Variants in TOGARAM2 observed in about 807,000 individuals in gnomAD.
TOGARAM2 encodes the protein TOG array regulator of axonemal microtubules 2.
Under a neutral mutation model 93.3 loss-of-function variants are expected in TOGARAM2, and 85 were observed. The observed-to-expected ratio is 0.91, with a 90% CI of 0.76 to 1.09. TOGARAM2 has a LOEUF of 1.09. Among genes scored for constraint, TOGARAM2 ranks in the 50% least tolerant of loss-of-function variants. The pLI, the probability that TOGARAM2 is intolerant of heterozygous loss-of-function variation, is 0.00. For missense variants in TOGARAM2, 1,277 were observed against 1,334.5 expected, an observed-to-expected ratio of 0.96 and a Z score of 0.67; for synonymous variants, 593 against 552.8, an observed-to-expected ratio of 1.07 and a Z score of -1.02.
chr2:29,016,421 C>A (rs115104615), intron 8 of TOGARAM2, among the ~76,000 whole-genome samples: 1,726 of 152,246 alleles, frequency 0.011, 25 homozygotes, highest in African/African-American at 0.04. Flanking sequence ...GAAGTTAGAA[C>A]GTTCTGTGGA....
Position 29,014,473 on chromosome 2 carries a change from C to G in TOGARAM2, c.956C>G (p.Ala319Gly). The change falls in exon 8 of 20, where the codon GCT (alanine) becomes GGT (glycine). Residue 319 changes from alanine (A) to glycine (G), a missense_variant. By Grantham distance (60) the Ala-to-Gly change is moderately conservative. Coordinates refer to ENST00000379558, the MANE Select transcript of TOGARAM2 (RefSeq NM_199280.4). ...CCTGCCCTGCCTTTTTCTCAGTCTG[C>G]TCCCACGCTGACAGCCTTCTCCTTT... ...KKPALPFSQS[A>G]PTLTAFSFDC... The G allele has an allele frequency of 1.3e-6, 2 of 1,599,656 alleles. No individual in the cohort carries two copies. The highest frequency in any genetic ancestry group is 1.1e-5 in the South Asian group (1 of 88,032).
intron 1 of TOGARAM2, among the ~76,000 whole-genome samples, chr2:28,983,196 ATATTTTTTTTTTTTTT>A (rs1672298765): frequency 2.1e-5 from 1 of 48,138 alleles, no homozygotes; most frequent in Admixed American, 2.8e-4. Flanking sequence ...ATATATATAT[ATATTTTTTTTTTTTTT>A]TTTTTTTTTT....
chr2:28,980,592 C>T (rs1278417157), upstream of TOGARAM2, among the ~76,000 whole-genome samples: 1 of 152,166 alleles, frequency 6.6e-6, no homozygotes, highest in East Asian at 1.9e-4. Flanking sequence ...GCTGTCATTC[C>T]AGAGAGAGGA....
At position 29,005,860 on chromosome 2, in the gene TOGARAM2, ATG is replaced by A. The variant is rs765655971; in HGVS notation, c.830+2182_830+2183del. On this transcript the variant is annotated intron_variant, in intron 6 of 19. Coordinates refer to ENST00000379558, the MANE Select transcript of TOGARAM2 (RefSeq NM_199280.4). Reference sequence around the variant, plus strand: ...TATGTGTCAGTGCATGTGTGTGCATATGTGTCAGTGCATGTTGTGAGTGCATG... The same window carrying A: ...TATGTGTCAGTGCATGTGTGTGCATATGTCAGTGCATGTTGTGAGTGCATG... Among the ~76,000 whole-genome samples the A allele has an allele frequency of 1.1e-3, 141 of 133,518 alleles. 1 individual carries two copies. Among genetic ancestry groups the A allele is most frequent in the Non-Finnish European group, 1.8e-3 (112 of 62,582 alleles). The allele number at this position is 133,518 out of a possible 152,430, so 87.6% of individuals were successfully genotyped here. A position where few individuals can be genotyped will look rare whatever the true frequency, so the allele number is the denominator to read the frequency against.
intron 14 of TOGARAM2, among the ~76,000 whole-genome samples, chr2:29,032,410 T>G (rs1416762102): frequency 6.6e-6 from 1 of 152,232 alleles, no homozygotes; most frequent in Non-Finnish European, 1.5e-5. Flanking sequence ...ACCTCTTCTA[T>G]GAAGCCCTCC....
intron 1 of TOGARAM2, among the ~76,000 whole-genome samples, chr2:28,987,023 C>A (rs72786151): frequency 0.08 from 12,207 of 152,258 alleles, 623 homozygotes; most frequent in African/African-American, 0.13. Flanking sequence ...AATACTGCCA[C>A]CTCCGTGAAC....
intron 8 of TOGARAM2, 121 bp downstream of exon 8, chr2:29,014,682 C>T: frequency 7.7e-7 from 1 of 1,296,158 alleles, no homozygotes; most frequent in Non-Finnish European, 1.0e-6. Context: ...CAAGGAGAGC[C>T]CGAGGCAGCC....
chr2:29,017,047 T>G, intron 8 of TOGARAM2, 107 bp from the exon 9 acceptor site: 3 of 1,419,036 alleles, frequency 2.1e-6, no homozygotes, highest in Non-Finnish European at 2.9e-6. Context: ...TCTTTTTTGT[T>G]CACTTCCAGG....
At chr2:28,965,924 A>G (rs1350575240) in intron 1 of TOGARAM2, among the ~76,000 whole-genome samples, 1 of 152,148 alleles carries the variant, frequency 6.6e-6, no homozygotes, top group Non-Finnish European at 1.5e-5. Flanking sequence ...GTGTCTGAAA[A>G]TAATTGTTTC....
At position 29,002,667 on chromosome 2, in the gene TOGARAM2, G is replaced by T; in HGVS notation, c.559G>T (p.Ala187Ser). The change falls in exon 5 of 20, where the codon GCC becomes TCC. Residue 187 changes from alanine to serine, a missense_variant. Physicochemically the swap from Ala to Ser is moderately conservative, Grantham distance 99 (BLOSUM62 1). Coordinates refer to ENST00000379558, the MANE Select transcript of TOGARAM2 (RefSeq NM_199280.4). ...CCAGAGCATCCCTACCACCCCTGAG[G>T]CCAGCGGAGTCAAAGAGAAGGGCCT... is the stretch of plus-strand genomic sequence containing the variant. Reference protein sequence around the residue: ...LIQSIPTTPEASGVKEKGLDL... With the variant: ...LIQSIPTTPESSGVKEKGLDL... 1 of 1,613,974 alleles carries T rather than the reference G, an allele frequency of 6.2e-7. No individual in the cohort carries two copies.
intron 5 of TOGARAM2, 150 bp downstream of exon 5, chr2:29,002,897 C>G (rs1673393401): frequency 1.4e-6 from 1 of 713,600 alleles, no homozygotes; most frequent in Admixed American, 2.7e-5. Context: ...AGGGACAGCA[C>G]TGGGAGAGGC....
At chr2:28,960,841 A>G (rs78396924) in intron 1 of TOGARAM2, among the ~76,000 whole-genome samples, 1,573 of 152,266 alleles carry the variant, frequency 0.01, 18 homozygotes, top group Non-Finnish European at 0.014. Context: ...AGAATTGTTA[A>G]TTTTATGTCA....
At chr2:28,972,856 G>A (rs972102697) in intron 1 of TOGARAM2, among the ~76,000 whole-genome samples, 2 of 152,178 alleles carry the variant, frequency 1.3e-5, no homozygotes, top group African/African-American at 4.8e-5. Flanking sequence ...GAAACATCCT[G>A]GAAAGTTGCT....
intron 6 of TOGARAM2, among the ~76,000 whole-genome samples, chr2:29,005,282 A>G (rs183637710): frequency 0.013 from 1,429 of 112,542 alleles, 27 homozygotes; most frequent in Non-Finnish European, 0.013. Flanking sequence ...GTGTGTGCAT[A>G]TGTGTGTGTG....
chr2:29,051,532 G>T (rs1667066627), intron 19 of TOGARAM2: 1 of 398,814 alleles, frequency 2.5e-6, no homozygotes, highest in Non-Finnish European at 4.4e-6. Flanking sequence ...CTGACTGGTT[G>T]GTATAAGCAC....
At chr2:29,042,793 C>G (rs1305539336) in intron 18 of TOGARAM2, among the ~76,000 whole-genome samples, 1 of 152,240 alleles carries the variant, frequency 6.6e-6, no homozygotes, top group African/African-American at 2.4e-5. Flanking sequence ...TTCACTCTCT[C>G]TCTGGGCACA....
At chr2:28,964,220 T>C (rs1215912924) in intron 1 of TOGARAM2, among the ~76,000 whole-genome samples, 2 of 152,232 alleles carry the variant, frequency 1.3e-5, no homozygotes, top group Non-Finnish European at 2.9e-5. Flanking sequence ...ATGTATGTTA[T>C]GCTTTGTTAT....
intron 17 of TOGARAM2, 52 bp downstream of exon 17, chr2:29,035,708 A>G (rs1220426132): frequency 1.5e-6 from 2 of 1,302,352 alleles, no homozygotes; most frequent in African/African-American, 3.0e-5. Context: ...TGGGGGGTGC[A>G]ACTTGAAGTT....
intron 1 of TOGARAM2, among the ~76,000 whole-genome samples, chr2:28,988,807 C>T (rs938675938): frequency 1.3e-5 from 2 of 152,154 alleles, no homozygotes; most frequent in Non-Finnish European, 1.5e-5. Flanking sequence ...CGCATGCCTC[C>T]ACAGGCACAG....
Sources: gnomAD v4.1 joint callset for allele counts (sites outside exome capture counted in the v4.1 genomes callset) on GRCh38, gnomAD v4.1.1 for gene constraint, MANE v1.5 for transcripts, NCBI Gene and HGNC (gene_info 2026-07-23, HGNC 2026-07-21) for gene names.